Variants in VPS8 observed in about 807,000 individuals in gnomAD.
The protein encoded by VPS8 is VPS8 subunit of CORVET complex.
In VPS8, 129 loss-of-function variants were observed where a neutral mutation model predicts 216.4. The ratio of observed to expected loss-of-function variants is 0.60; its 90% CI spans 0.52 to 0.69. VPS8 has a LOEUF of 0.69. Ranked by LOEUF, VPS8 falls within the 30% of genes least tolerant of loss-of-function variation. The pLI is 0.00. For missense variants in VPS8, 1,531 were observed against 1,683.5 expected (o/e 0.91, Z 1.59); for synonymous variants, 571 against 565.4 (o/e 1.01, Z -0.14).
In VPS8 at chr3:184,894,560, A is replaced by G. The variant is rs928755861; in HGVS notation, c.1782-143A>G. 1.1e-5 allele frequency: 6 copies of G among 549,538 alleles called. No homozygotes were observed. The East Asian group carries it at 1.3e-4, about 12-fold the overall frequency. 34.0% of individuals were successfully genotyped at this position (549,538 alleles called of 1,614,324 possible). On this transcript the variant is annotated intron_variant, in intron 22 of 47. Coordinates refer to ENST00000625842, the MANE Select transcript of VPS8 (RefSeq NM_001009921.3). Reference sequence around the variant, plus strand: ...CACACACACAAAGTTTTTGCAGTATAAAACTCTGTGAATATTATTGCCATT... The same window carrying G: ...CACACACACAAAGTTTTTGCAGTATGAAACTCTGTGAATATTATTGCCATT...
At chr3:184,907,485 T>C (rs1246668200) in intron 25 of VPS8, among the ~76,000 whole-genome samples, 1 of 152,190 alleles carries the variant, frequency 6.6e-6, no homozygotes, top group Non-Finnish European at 1.5e-5. Context: ...CTGACATTAG[T>C]TCCCAGCTTG....
At chr3:184,917,625 C>G (rs1235120861) in intron 28 of VPS8, among the ~76,000 whole-genome samples, 3 of 152,280 alleles carry the variant, frequency 2.0e-5, no homozygotes, top group East Asian at 3.9e-4. Context: ...AAGCTGGTCT[C>G]GAACTCCTGA....
At chr3:185,008,961 G>A (rs1193809038) in intron 45 of VPS8, among the ~76,000 whole-genome samples, 1 of 152,236 alleles carries the variant, frequency 6.6e-6, no homozygotes, top group Non-Finnish European at 1.5e-5. Context: ...TTTAGATTAG[G>A]AGACAAATGT....
In VPS8 at chr3:184,961,893, A is replaced by G. The variant is rs563282385; in HGVS notation, c.3184-2575A>G. Among the ~76,000 whole-genome samples, 6 of 151,846 alleles carry G rather than the reference A, an allele frequency of 4.0e-5. No individual in the cohort carries two copies. The East Asian group carries it at 9.7e-4, about 24-fold the overall frequency. On this transcript the variant is annotated intron_variant, in intron 37 of 47. Transcript: ENST00000625842. ...GTGATTCTCCTACCTCAGCCTCCCA[A>G]GTTGCTGAAATTATAGGTGCACACC...
At chr3:184,874,483 G>C (rs905133784) in intron 21 of VPS8, among the ~76,000 whole-genome samples, 5 of 152,158 alleles carry the variant, frequency 3.3e-5, no homozygotes, top group African/African-American at 9.7e-5. Context: ...GGTTCAAAGT[G>C]ATCTTGACAA....
intron 36 of VPS8, among the ~76,000 whole-genome samples, chr3:184,940,631 C>T (rs1742515516): frequency 6.6e-6 from 1 of 152,102 alleles, no homozygotes; most frequent in Admixed American, 6.6e-5. Flanking sequence ...ACACTTGGTT[C>T]CCAGCCCACC....
chr3:184,939,218 A>T (rs1481700022), intron 35 of VPS8, among the ~76,000 whole-genome samples: 1 of 152,144 alleles, frequency 6.6e-6, no homozygotes, highest in African/African-American at 2.4e-5. Flanking sequence ...TTAAAATGAA[A>T]AATTGCCAGA....
chr3:184,852,674 A>G, intron 11 of VPS8, 107 bp downstream of exon 11: 1 of 1,035,394 alleles, frequency 9.7e-7, no homozygotes, highest in Non-Finnish European at 1.4e-6. Flanking sequence ...TTGAGAGTAG[A>G]TTATGACTGT....
At chr3:184,914,509 G>T (rs1737158908) in intron 26 of VPS8, among the ~76,000 whole-genome samples, 1 of 152,044 alleles carries the variant, frequency 6.6e-6, no homozygotes, top group Admixed American at 6.6e-5. Flanking sequence ...AATTCTCCCC[G>T]GTTTGTCCTG....
intron 34 of VPS8, among the ~76,000 whole-genome samples, chr3:184,931,705 A>G (rs1186078718): frequency 6.6e-6 from 1 of 152,172 alleles, no homozygotes; most frequent in Non-Finnish European, 1.5e-5. Flanking sequence ...TAGTGTTGTT[A>G]TATTTCTGCT....
At chr3:184,890,852 A>G (rs1732202478) in intron 22 of VPS8, among the ~76,000 whole-genome samples, 1 of 152,056 alleles carries the variant, frequency 6.6e-6, no homozygotes, top group East Asian at 1.9e-4. Flanking sequence ...CTGTTCCACA[A>G]TTTCATTTCA....
chr3:184,821,865 A>C (rs1717671629), intron 1 of VPS8, among the ~76,000 whole-genome samples: 2 of 152,144 alleles, frequency 1.3e-5, no homozygotes, highest in South Asian at 4.1e-4. Context: ...CAATGGAAAT[A>C]TCTCTTCCTC....
intron 8 of VPS8, among the ~76,000 whole-genome samples, chr3:184,845,978 A>G (rs1427979277): frequency 6.6e-6 from 1 of 152,118 alleles, no homozygotes; most frequent in Non-Finnish European, 1.5e-5. Flanking sequence ...GCATTATCTT[A>G]CTTTACTCAT....
At chr3:184,971,846 G>A (rs980130675) in intron 40 of VPS8, 94 bp downstream of exon 40, 20 of 959,168 alleles carry the variant, frequency 2.1e-5, no homozygotes, top group South Asian at 2.8e-5. Flanking sequence ...AGGCCGAGAC[G>A]GACAGATCAC....
At chr3:185,033,081 A>T (rs879048119) in intron 46 of VPS8, among the ~76,000 whole-genome samples, 1 of 152,170 alleles carries the variant, frequency 6.6e-6, no homozygotes, top group Admixed American at 6.5e-5. Flanking sequence ...CCTATTATTA[A>T]CATCTTGCAT....
intron 5 of VPS8, among the ~76,000 whole-genome samples, chr3:184,837,545 A>G (rs967843500): frequency 6.6e-6 from 1 of 152,218 alleles, no homozygotes; most frequent in South Asian, 2.1e-4. Flanking sequence ...ACACACAGAC[A>G]TATACACTCA....
chr3:184,857,966 G>C (rs1725579402), intron 14 of VPS8, among the ~76,000 whole-genome samples: 1 of 152,116 alleles, frequency 6.6e-6, no homozygotes, highest in African/African-American at 2.4e-5. Flanking sequence ...CCACATGAAG[G>C]GCCCACATTA....
intron 21 of VPS8, among the ~76,000 whole-genome samples, chr3:184,883,751 CCCTACAGT>C (rs1730681285): frequency 1.3e-5 from 2 of 152,078 alleles, no homozygotes; most frequent in Admixed American, 1.3e-4. Context: ...CTCCATTAAG[CCCTACAGT>C]ATATCCATAG....
chr3:184,902,720 C>T (rs908623711), intron 25 of VPS8, among the ~76,000 whole-genome samples: 1 of 151,540 alleles, frequency 6.6e-6, no homozygotes, highest in Admixed American at 6.6e-5. Context: ...GTCCCAGCTA[C>T]TCAGGAGGCT....
Sources: gnomAD v4.1 joint callset for allele counts (sites outside exome capture counted in the v4.1 genomes callset) on GRCh38, gnomAD v4.1.1 for gene constraint, MANE v1.5 for transcripts, NCBI Gene and HGNC (gene_info 2026-07-23, HGNC 2026-07-21) for gene names.